The following C16orf46 variants were observed in gnomAD, a reference collection of about 807,000 sequenced individuals.
C16orf46 encodes chromosome 16 open reading frame 46.
Under a neutral mutation model 5.5 loss-of-function variants are expected in C16orf46, and 7 were observed. That is an observed-to-expected ratio of 1.28 (90% CI 0.73 to 2.40). The LOEUF (loss-of-function observed/expected upper bound fraction) is 2.40, where lower values mean the gene tolerates loss of function less well. C16orf46 is among the 30% of genes most tolerant of loss of function. The pLI is 0.00. For missense variants in C16orf46, 614 were observed against 476.0 expected (o/e 1.29, Z -2.70); for synonymous variants, 200 against 184.1 (o/e 1.09, Z -0.70).
At chr16:81,063,552 A>G (rs1971555720) in intron 3 of C16orf46, among the ~76,000 whole-genome samples, 194 bp downstream of exon 3, 1 of 152,232 alleles carries the variant, frequency 6.6e-6, no homozygotes, top group Admixed American at 6.5e-5. Context: ...TGCTGTCCAC[A>G]TACTAAGTGG....
chr16:81,054,219 C>A (rs2151744767), intron 3 of C16orf46: 1 of 713,580 alleles, frequency 1.4e-6, no homozygotes, highest in African/African-American at 1.8e-5. Flanking sequence ...CCCTCAATAA[C>A]TTTTTCCTTG....
intron 1 of C16orf46, among the ~76,000 whole-genome samples, chr16:81,075,520 G>A (rs1972008674): frequency 6.6e-6 from 1 of 152,152 alleles, no homozygotes; most frequent in South Asian, 2.1e-4. Context: ...AACCCGAGAG[G>A]CAGAGGTTGC....
Position 81,063,826 on chromosome 16 carries a change from G to C in C16orf46, c.130C>G (p.Leu44Val). ...GKSEKNHVYC[L>V]LDVSDITLEQ... Reference sequence around the variant, plus strand: ...AGCGTAATGTCACTGACATCGAGAAGACAATAAACATGATTTTTTTCACTT... The same window carrying C: ...AGCGTAATGTCACTGACATCGAGAACACAATAAACATGATTTTTTTCACTT... The change falls in exon 3 of 4, where the codon CTT becomes GTT. Residue 44 changes from leucine (L) to valine (V), a missense_variant. By Grantham distance (32) the Leu-to-Val change is conservative (BLOSUM62 1). Transcript: ENST00000299578. 6.2e-7 allele frequency: 1 copy of C among 1,613,986 alleles called. No individual in the cohort carries two copies. Among genetic ancestry groups the C allele is most frequent in the Non-Finnish European group, 8.5e-7 (1 of 1,179,978 alleles).
chr16:81,054,726 G>A (rs1381053828), intron 3 of C16orf46, among the ~76,000 whole-genome samples: 1 of 152,062 alleles, frequency 6.6e-6, no homozygotes, highest in Non-Finnish European at 1.5e-5. Context: ...TCGGCTCACT[G>A]CAAACTCCAC....
At chr16:81,074,228 C>G (rs781024932) in intron 1 of C16orf46, among the ~76,000 whole-genome samples, 22 of 152,138 alleles carry the variant, frequency 1.4e-4, no homozygotes, top group South Asian at 2.1e-4. Context: ...TGCAAAATTA[C>G]CTGTCTCTTA....
At chr16:81,069,885 G>A (rs1388728486) in intron 1 of C16orf46, 1 of 152,222 alleles carries the variant, frequency 6.6e-6, no homozygotes, top group Non-Finnish European at 1.5e-5. Flanking sequence ...AGCACTTTGG[G>A]AGGCCAAGGC....
chr16:81,060,877 G>A (rs979661166), downstream of C16orf46: 4 of 768,848 alleles, frequency 5.2e-6, no homozygotes, highest in African/African-American at 5.4e-5. Flanking sequence ...GCAGGCAGAG[G>A]CTGGGGCTGG....
chr16:81,073,366 G>C (rs777734805), intron 1 of C16orf46, among the ~76,000 whole-genome samples: 10 of 152,212 alleles, frequency 6.6e-5, no homozygotes, highest in Non-Finnish European at 1.5e-4. Flanking sequence ...AGCATATAAG[G>C]TTAATTTATG....
chr16:81,070,043 T>C (rs1971794289), intron 1 of C16orf46: 3 of 152,058 alleles, frequency 2.0e-5, no homozygotes, highest in Admixed American at 2.0e-4. Flanking sequence ...GAGAACTGCT[T>C]GAACCCAAGA....
Position 81,061,221 on chromosome 16 carries a change from G to A in C16orf46, c.1128C>T (p.Val376=), listed in dbSNP as rs1475685440. ...MLETKVFPRP[V]LPSLTVSRVI... is the part of the protein sequence containing the mutation. ...CTCTGCTCACTGTGAGAGACGGCAA[G>A]ACAGGTCTTGGGAAAACTTTGGTCT... Residue 376 remains valine (V), a synonymous_variant, in exon 4 of 4, where the codon GTC becomes GTT. Coordinates refer to ENST00000299578, the MANE Select transcript of C16orf46 (RefSeq NM_152337.3). 1 of 1,614,016 alleles carries A rather than the reference G, an allele frequency of 6.2e-7. No homozygotes were observed. The highest frequency in any genetic ancestry group is 1.3e-5 in the African/African-American group (1 of 74,920).
At position 81,054,171 on chromosome 16, in the gene C16orf46, C is replaced by G. The variant is rs553710845; in HGVS notation, c.1144-77G>C. 55 of 1,394,744 alleles carry G rather than the reference C, an allele frequency of 3.9e-5. No homozygotes were observed. In the East Asian group the frequency reaches 1.1e-3, roughly 27 times the overall value. The allele number at this position is 1,394,744 out of a possible 1,614,324, so 86.4% of individuals were successfully genotyped here. On this transcript the variant is annotated intron_variant, in intron 3 of 3. Coordinates refer to the C16orf46 transcript ENST00000378611. ...GAAAATGTGGCAGAAGTCAATGCAT[C>G]TGAATTATGACAAAAGGATATTCAA...
At chr16:81,073,979 CA>C (rs1322527077) in intron 1 of C16orf46, among the ~76,000 whole-genome samples, 11 of 152,176 alleles carry the variant, frequency 7.2e-5, no homozygotes, top group African/African-American at 2.7e-4. Flanking sequence ...AATAATAATT[CA>C]GCTTAAATAC....
At chr16:81,054,532 T>A (rs932367345) in intron 3 of C16orf46, among the ~76,000 whole-genome samples, 18 of 152,190 alleles carry the variant, frequency 1.2e-4, no homozygotes, top group Admixed American at 7.2e-4. Context: ...TATATATATA[T>A]GTATATACAT....
At chr16:81,070,812 C>T (rs1434768500) in intron 1 of C16orf46, among the ~76,000 whole-genome samples, 5 of 152,054 alleles carry the variant, frequency 3.3e-5, no homozygotes, top group African/African-American at 9.7e-5. Flanking sequence ...CTCAGCCTCC[C>T]GAGTAGCTTT....
chr16:81,061,799 T>G lies in C16orf46; in HGVS notation c.550A>C (p.Lys184Gln). The change falls in exon 4 of 4, where the codon AAG (lysine) becomes CAG (glutamine). Residue 184 changes from lysine to glutamine, a missense_variant. By Grantham distance (53) the Lys-to-Gln change is moderately conservative. Transcript: ENST00000299578. ...CCTCCACTGGGATTCCCAGAGGCCT[T>G]GCCCCTATTAGTGCCGGGGATGGCC... ...DWAIPGTNRG[K>Q]ASGNPSGGAH... 1 of 1,614,176 alleles carries G rather than the reference T, an allele frequency of 6.2e-7. No homozygotes were observed. The highest frequency in any genetic ancestry group is 8.5e-7 in the Non-Finnish European group (1 of 1,180,038).
chr16:81,058,910 G>A (rs1441598290), downstream of C16orf46, among the ~76,000 whole-genome samples: 1 of 152,088 alleles, frequency 6.6e-6, no homozygotes, highest in Non-Finnish European at 1.5e-5. Context: ...CAGAAACCCA[G>A]GCTACAAACC....
In C16orf46 at chr16:81,063,965, G is replaced by A. The variant is rs769062105; in HGVS notation, c.-10C>T. ...TCTGACAGAGATCCATTACTGTGATGCTTGCTTAAAGTTTTTAACATCTTC... is the reference window on the plus strand; with the variant it reads ...TCTGACAGAGATCCATTACTGTGATACTTGCTTAAAGTTTTTAACATCTTC... On this transcript the variant is annotated 5_prime_UTR_variant, in exon 3 of 4. Coordinates refer to ENST00000299578, the MANE Select transcript of C16orf46 (RefSeq NM_152337.3). The A allele has an allele frequency of 5.0e-6, 8 of 1,591,820 alleles. No individual in the cohort carries two copies. The highest frequency in any genetic ancestry group is 4.5e-5 in the South Asian group (4 of 88,926).
rs1323416686 is a variant in C16orf46, at chr16:81,063,986, T to C, written c.-31A>G. On this transcript the variant is annotated 5_prime_UTR_variant, in exon 3 of 4. The change abolishes an upstream ATG in the 5' untranslated region. Coordinates refer to ENST00000299578, the MANE Select transcript of C16orf46 (RefSeq NM_152337.3). ...TGATGCTTGCTTAAAGTTTTTAACA[T>C]CTTCTTGCTGTTTAAAAACATGAAT... The C allele has an allele frequency of 1.3e-6, 2 of 1,503,744 alleles. No homozygotes were observed. The highest frequency in any genetic ancestry group is 2.4e-5 in the South Asian group (2 of 83,178). The allele number at this position is 1,503,744 out of a possible 1,614,324, so 93.2% of individuals were successfully genotyped here.
chr16:81,070,628 TA>T (rs1971816696), intron 1 of C16orf46, among the ~76,000 whole-genome samples: 1 of 152,236 alleles, frequency 6.6e-6, no homozygotes, highest in African/African-American at 2.4e-5. Context: ...TCATAGATTA[TA>T]AATATAAATC....
Sources: gnomAD v4.1 joint callset for allele counts (sites outside exome capture counted in the v4.1 genomes callset) on GRCh38, gnomAD v4.1.1 for gene constraint, MANE v1.5 for transcripts, NCBI Gene and HGNC (gene_info 2026-07-23, HGNC 2026-07-21) for gene names.